Variants in ICE2 observed in about 807,000 individuals in gnomAD.
ICE2 encodes interactor of little elongation complex ELL subunit 2, also known as little elongation complex subunit 2.
Under a neutral mutation model 105.4 loss-of-function variants are expected in ICE2, and 87 were observed. The observed-to-expected ratio is 0.83, with a 90% CI of 0.69 to 0.99. The LOEUF (loss-of-function observed/expected upper bound fraction) is 0.99. Among genes scored for constraint, ICE2 ranks in the 50% least tolerant of loss-of-function variants. ICE2 has a pLI of 0.00. For synonymous variants in ICE2, 399 were observed against 392.0 expected (o/e 1.02, Z -0.21); for missense variants, 1,323 against 1,146.7 (o/e 1.15, Z -2.22).
chr15:60,473,223 C>G (rs543232039), intron 3 of ICE2, among the ~76,000 whole-genome samples: 1 of 151,960 alleles, frequency 6.6e-6, no homozygotes, highest in African/African-American at 2.4e-5. Context: ...TTATTATAGG[C>G]ATGAGCTGCT....
intron 11 of ICE2, 163 bp downstream of exon 11, chr15:60,447,807 A>T: frequency 1.8e-6 from 1 of 565,360 alleles, no homozygotes; most frequent in Non-Finnish European, 3.1e-6. Flanking sequence ...TCCCTTATTA[A>T]AATCGATCTC....
At chr15:60,436,959 A>AT (rs932752361) in intron 12 of ICE2, among the ~76,000 whole-genome samples, 10 of 152,072 alleles carry the variant, frequency 6.6e-5, no homozygotes, top group Non-Finnish European at 1.5e-4. Flanking sequence ...CTGGCTTAAT[A>AT]TTTTTTAATT....
At chr15:60,432,275 C>T (rs2063479282) in intron 13 of ICE2, among the ~76,000 whole-genome samples, 1 of 150,276 alleles carries the variant, frequency 6.7e-6, no homozygotes, top group Non-Finnish European at 1.5e-5. Context: ...GCAACCTCCA[C>T]CTCCCGGATT....
chr15:60,425,738 A>G (rs886332071), intron 15 of ICE2, among the ~76,000 whole-genome samples: 1 of 152,216 alleles, frequency 6.6e-6, no homozygotes, highest in African/African-American at 2.4e-5. Flanking sequence ...GATGATTTCT[A>G]TTTCATATAG....
intron 5 of ICE2, among the ~76,000 whole-genome samples, chr15:60,461,382 C>A (rs1244419311): frequency 6.6e-6 from 1 of 151,924 alleles, no homozygotes; most frequent in African/African-American, 2.4e-5. Context: ...AAAAAATCAG[C>A]AAAATACTTC....
Position 60,454,962 on chromosome 15 carries a change from C to T in ICE2, c.943+41G>A, listed in dbSNP as rs367867433. Reference sequence around the variant, plus strand: ...TGAGTGAGAACATGCAGTCCAACTTCTCTTTTTTGAGAGCATTATTTGACA... The same window carrying T: ...TGAGTGAGAACATGCAGTCCAACTTTTCTTTTTTGAGAGCATTATTTGACA... On this transcript the variant is annotated intron_variant, in intron 8 of 15. Coordinates refer to ENST00000261520, the MANE Select transcript of ICE2 (RefSeq NM_024611.6). 3 of 1,500,946 alleles carry T rather than the reference C, an allele frequency of 2.0e-6. No individual in the cohort carries two copies. In the African/African-American group the frequency reaches 4.3e-5, roughly 21 times the overall value. The allele number at this position is 1,500,946 out of a possible 1,614,324, so 93.0% of individuals were successfully genotyped here.
In ICE2 at chr15:60,432,261, C is replaced by T. The variant is rs186730084; in HGVS notation, c.2511-277G>A. ...TGAGTGCAGTGGCGCAATCTCTGCT[C>T]GCTGCAACCTCCACCTCCCGGATTC... is the stretch of plus-strand genomic sequence containing the variant. On this transcript the variant is annotated intron_variant, in intron 13 of 15. Coordinates refer to ENST00000261520, the MANE Select transcript of ICE2 (RefSeq NM_024611.6). Among the ~76,000 whole-genome samples, 216 of 144,162 alleles carry T rather than the reference C, an allele frequency of 1.5e-3. 1 individual carries two copies. Among genetic ancestry groups the T allele is most frequent in the South Asian group, 0.014 (65 of 4,556 alleles). 94.6% of individuals were successfully genotyped at this position (144,162 alleles called of 152,430 possible).
chr15:60,474,951 T>C (rs2064716348), intron 3 of ICE2, among the ~76,000 whole-genome samples: 1 of 151,936 alleles, frequency 6.6e-6, no homozygotes, highest in Admixed American at 6.6e-5. Flanking sequence ...CAAGACCATG[T>C]CTCTTCAAAA....
chr15:60,466,310 G>A (rs976288274), intron 5 of ICE2, among the ~76,000 whole-genome samples: 1 of 152,186 alleles, frequency 6.6e-6, no homozygotes, highest in African/African-American at 2.4e-5. Flanking sequence ...TCTCACAAGG[G>A]AAGTCAGTGG....
intron 12 of ICE2, chr15:60,441,421 TC>T (rs1377481257): frequency 2.0e-5 from 3 of 152,202 alleles, no homozygotes; most frequent in Admixed American, 2.0e-4. Flanking sequence ...AAACACACCC[TC>T]ATAGGATTTA....
intron 8 of ICE2, among the ~76,000 whole-genome samples, chr15:60,454,354 G>A (rs1396599469): frequency 1.3e-5 from 2 of 152,106 alleles, no homozygotes; most frequent in Non-Finnish European, 2.9e-5. Context: ...TAACGAACAA[G>A]TAAATAAGTC....
intron 11 of ICE2, 159 bp from the exon 12 acceptor site, chr15:60,442,704 A>G (rs1000855087): frequency 9.6e-6 from 5 of 518,192 alleles, no homozygotes; most frequent in African/African-American, 8.0e-5. Context: ...GGATACATTC[A>G]GGCCTGATGA....
At chr15:60,470,726 A>G (rs953493788) in intron 3 of ICE2, among the ~76,000 whole-genome samples, 1 of 152,210 alleles carries the variant, frequency 6.6e-6, no homozygotes, top group African/African-American at 2.4e-5. Context: ...TATTCATTTT[A>G]ACTGATGCAT....
intron 15 of ICE2, among the ~76,000 whole-genome samples, chr15:60,427,941 T>C (rs747249323): frequency 2.0e-5 from 3 of 152,228 alleles, no homozygotes; most frequent in Non-Finnish European, 2.9e-5. Context: ...TAGTCCTTGA[T>C]ACTTTAGGTA....
chr15:60,460,431 G>A (rs1419138620), intron 5 of ICE2, among the ~76,000 whole-genome samples: 1 of 152,224 alleles, frequency 6.6e-6, no homozygotes, highest in East Asian at 1.9e-4. Flanking sequence ...CCGCGAGGGA[G>A]AGGATGCAGT....
In ICE2 at chr15:60,436,195, GAA is replaced by G. The variant is rs1566974343; in HGVS notation, c.2456_2457del (p.Phe819SerfsTer24). ...TCTTCTGAGGTAATTTCTTCCAGTA[GAA>G]AAAGTTTTGAAGTAAATGCATCGAT... ...GHIDAFTSKL[F>X]LLEEITSEEL... On this transcript the variant is annotated frameshift_variant, in exon 13 of 16. Transcript: ENST00000261520. LOFTEE classifies it high-confidence loss of function. 2.1e-6 allele frequency: 3 copies of G among 1,448,800 alleles called. No homozygotes were observed. The highest frequency in any genetic ancestry group is 2.4e-5 in the Admixed American group (1 of 42,442). 89.7% of individuals were successfully genotyped at this position (1,448,800 alleles called of 1,614,324 possible).
At chr15:60,446,675 G>T (rs2063829685) in intron 11 of ICE2, among the ~76,000 whole-genome samples, 1 of 152,148 alleles carries the variant, frequency 6.6e-6, no homozygotes, top group African/African-American at 2.4e-5. Context: ...GATTACAGGT[G>T]TGAGGCATCA....
At chr15:60,475,329 A>G (rs527744942) in intron 3 of ICE2, among the ~76,000 whole-genome samples, 2 of 152,340 alleles carry the variant, frequency 1.3e-5, no homozygotes, top group African/African-American at 4.8e-5. Context: ...GAGGAAAAAA[A>G]CCTTTAGCAA....
chr15:60,478,052 C>A lies in ICE2; in HGVS notation c.-75G>T. On this transcript the variant is annotated 5_prime_UTR_variant, in exon 2 of 16. Transcript: ENST00000261520. ...TGCGAAGGCTCCAAGAGGCAGGATCCCTCCAGAACTTACTCAGCTGAGTAA... is the reference window on the plus strand; with the variant it reads ...TGCGAAGGCTCCAAGAGGCAGGATCACTCCAGAACTTACTCAGCTGAGTAA... The A allele has an allele frequency of 1.5e-6, 2 of 1,362,814 alleles. No individual in the cohort carries two copies. Among genetic ancestry groups the A allele is most frequent in the South Asian group, 2.3e-5 (2 of 86,090 alleles). The allele number at this position is 1,362,814 out of a possible 1,614,324, so 84.4% of individuals were successfully genotyped here.
Sources: gnomAD v4.1 joint callset for allele counts (sites outside exome capture counted in the v4.1 genomes callset) on GRCh38, gnomAD v4.1.1 for gene constraint, MANE v1.5 for transcripts, NCBI Gene and HGNC (gene_info 2026-07-23, HGNC 2026-07-21) for gene names.